The following AAK1 variants were observed in gnomAD, a reference collection of about 807,000 sequenced individuals.
AAK1 encodes the protein AP2 associated kinase 1.
A neutral mutation model predicts 116.0 loss-of-function variants in AAK1; 37 were observed. The ratio of observed to expected loss-of-function variants is 0.32; its 90% CI spans 0.25 to 0.42. The LOEUF is 0.42. Ranked by LOEUF, AAK1 falls within the 10% of genes least tolerant of loss-of-function variation. The pLI is 1.00. For missense variants in AAK1, 919 were observed against 1,170.6 expected, an observed-to-expected ratio of 0.79 and a Z score of 3.14; for synonymous variants, 458 against 439.9, an observed-to-expected ratio of 1.04 and a Z score of -0.51.
chr2:69,600,047 GC>G (rs1673497911), intron 2 of AAK1, among the ~76,000 whole-genome samples: 2 of 151,144 alleles, frequency 1.3e-5, no homozygotes, highest in Non-Finnish European at 2.9e-5. Flanking sequence ...CTCCCAAAGT[GC>G]TAGAATTACA....
chr2:69,524,732 C>T (rs1244449427), intron 10 of AAK1, among the ~76,000 whole-genome samples: 4 of 152,172 alleles, frequency 2.6e-5, no homozygotes, highest in African/African-American at 7.2e-5. Context: ...CACGCCTGGC[C>T]GTACTAGCAA....
At chr2:69,558,281 T>C (rs142720647) in intron 2 of AAK1, among the ~76,000 whole-genome samples, 1,640 of 151,422 alleles carry the variant, frequency 0.011, 35 homozygotes, top group African/African-American at 0.038. Flanking sequence ...GAGGTGGAGG[T>C]TGCAGTGAGC....
chr2:69,557,690 G>A (rs958144855), intron 2 of AAK1, among the ~76,000 whole-genome samples: 1 of 152,162 alleles, frequency 6.6e-6, no homozygotes, highest in Non-Finnish European at 1.5e-5. Flanking sequence ...GAAGAATACA[G>A]AGGCTCAAAG....
intron 16 of AAK1, among the ~76,000 whole-genome samples, chr2:69,501,990 A>G (rs1414707551): frequency 1.3e-5 from 2 of 152,126 alleles, no homozygotes; most frequent in Non-Finnish European, 2.9e-5. Flanking sequence ...AACAAACAGG[A>G]AAATGTAATA....
At position 69,514,558 on chromosome 2, in the gene AAK1, C is replaced by T. The variant is rs1287534445; in HGVS notation, c.1689G>A (p.Leu563=). 2 of 1,557,876 alleles carry T rather than the reference C, an allele frequency of 1.3e-6. No individual in the cohort carries two copies. Among genetic ancestry groups the T allele is most frequent in the African/African-American group, 2.7e-5 (2 of 73,418 alleles). ...QQQLMTQQAA[L]QQKPTMAAGQ... is the part of the protein sequence containing the mutation. ...CTGCTGCCATAGTGGGCTTTTGCTG[C>T]AAGGCAGCCTGCTGAGTCATCAGCT... is the stretch of plus-strand genomic sequence containing the variant. The change falls in exon 13 of 22, where the codon TTG becomes TTA. Residue 563 remains leucine (L), a synonymous_variant. Coordinates refer to ENST00000409085, the MANE Select transcript of AAK1 (RefSeq NM_014911.5).
chr2:69,474,962 C>A lies in AAK1; in HGVS notation c.*907G>T, dbSNP rs142704413. ...TGTTTCTGCTACAATTCCTTCCCCT[C>A]CCCATCCTCCCCCCACCCCCGCCCC... is the stretch of plus-strand genomic sequence containing the variant. On this transcript the variant is annotated 3_prime_UTR_variant, in exon 22 of 22. Coordinates refer to ENST00000409085, the MANE Select transcript of AAK1 (RefSeq NM_014911.5). 0.013 allele frequency: 6,414 copies of A among 499,762 alleles called. 374 individuals carry two copies. In the African/African-American group the frequency reaches 0.13, roughly 10 times the overall value. 31.0% of individuals were successfully genotyped at this position (499,762 alleles called of 1,614,324 possible). A position where few individuals can be genotyped will look rare whatever the true frequency, so the allele number is the denominator to read the frequency against.
At chr2:69,490,153 G>A (rs373809253) in intron 17 of AAK1, among the ~76,000 whole-genome samples, 25 of 152,314 alleles carry the variant, frequency 1.6e-4, no homozygotes, top group South Asian at 6.2e-4. Flanking sequence ...GTGGAACGCC[G>A]AGATCAGTAC....
rs563181319 is a variant in AAK1, at chr2:69,533,863, A to G, written c.535-1701T>C. On this transcript the variant is annotated intron_variant, in intron 5 of 21. Transcript: ENST00000409085. ...ATTCTTAAGCATAGGGTTATGAAAGATTAGGAGAGATTCATTCCTTTGAGA... is the reference window on the plus strand; with the variant it reads ...ATTCTTAAGCATAGGGTTATGAAAGGTTAGGAGAGATTCATTCCTTTGAGA... Among the ~76,000 whole-genome samples the G allele has an allele frequency of 2.0e-5, 3 of 152,336 alleles. No individual in the cohort carries two copies. In the South Asian group the frequency reaches 6.2e-4, roughly 32 times the overall value.
intron 15 of AAK1, among the ~76,000 whole-genome samples, chr2:69,506,026 A>G (rs538031460): frequency 6.6e-6 from 1 of 152,264 alleles, no homozygotes; most frequent in African/African-American, 2.4e-5. Context: ...TACAGCTCTA[A>G]TGAGTTTGAT....
At position 69,496,036 on chromosome 2, in the gene AAK1, G is replaced by T. The variant is rs1243567545; in HGVS notation, c.2314C>A (p.Leu772Ile). Residue 772 changes from leucine (L) to isoleucine (I), a missense_variant, in exon 17 of 22, where the codon CTT (leucine) becomes ATT (isoleucine). Transcript: ENST00000409085. ...ATGAAAGGATCAGACACGCTTAGAA[G>T]CGGGAGGCCAGAGTCCACAGTCTGC... is the stretch of plus-strand genomic sequence containing the variant. ...GGQTVDSGLP[L>I]LSVSDPFIPL... 6.4e-7 allele frequency: 1 copy of T among 1,555,358 alleles called. No homozygotes were observed. The highest frequency in any genetic ancestry group is 8.7e-7 in the Non-Finnish European group (1 of 1,149,098).
intron 9 of AAK1, among the ~76,000 whole-genome samples, chr2:69,526,416 TA>T (rs1291981518): frequency 1.3e-5 from 2 of 152,292 alleles, no homozygotes; most frequent in East Asian, 3.9e-4. Context: ...AATCTATTAT[TA>T]TAGCATCCAT....
intron 17 of AAK1, 40 bp downstream of exon 17, chr2:69,495,945 A>T: frequency 6.6e-7 from 1 of 1,514,332 alleles, no homozygotes; most frequent in Non-Finnish European, 8.9e-7. Flanking sequence ...GGGACATGCA[A>T]ATCAAGCTGC....
intron 2 of AAK1, among the ~76,000 whole-genome samples, chr2:69,589,973 T>TA (rs982395781): frequency 5.5e-4 from 83 of 149,970 alleles, no homozygotes; most frequent in African/African-American, 1.4e-3. Context: ...TGGTTCTGAT[T>TA]AAAAAAAAAA....
In AAK1 at chr2:69,462,241, A is replaced by C; in HGVS notation, c.*13628T>G. Reference sequence around the variant, plus strand: ...TGTGGGGTGGGGGGAGGGGGGCGGGATAGCATTAGGAGATATACCTAATGC... The same window carrying C: ...TGTGGGGTGGGGGGAGGGGGGCGGGCTAGCATTAGGAGATATACCTAATGC... On this transcript the variant is annotated 3_prime_UTR_variant, in exon 22 of 22. Coordinates refer to ENST00000409085, the MANE Select transcript of AAK1 (RefSeq NM_014911.5). The C allele has an allele frequency of 1.6e-5, 2 of 125,508 alleles. No homozygotes were observed. The highest frequency in any genetic ancestry group is 3.3e-5 in the Non-Finnish European group (2 of 59,760). The allele number at this position is 125,508 out of a possible 1,614,324, so 7.8% of individuals were successfully genotyped here.
In AAK1 at chr2:69,461,043, G is replaced by A. The variant is rs1674328176; in HGVS notation, c.*14826C>T. ...TAGAGTTGTTTGTTGATTATATACA[G>A]TCATGTGCTGCATAAAAACGATTCC... is the stretch of plus-strand genomic sequence containing the variant. On this transcript the variant is annotated 3_prime_UTR_variant, in exon 22 of 22. Transcript: ENST00000409085. 1.3e-5 allele frequency: 2 copies of A among 152,330 alleles called. No individual in the cohort carries two copies. The highest frequency in any genetic ancestry group is 4.1e-4 in the South Asian group (2 of 4,830). The allele number at this position is 152,330 out of a possible 1,614,324, so 9.4% of individuals were successfully genotyped here. A position where few individuals can be genotyped will look rare whatever the true frequency, so the allele number is the denominator to read the frequency against.
intron 16 of AAK1, among the ~76,000 whole-genome samples, chr2:69,502,956 T>C (rs1676035473): frequency 1.3e-5 from 2 of 152,224 alleles, no homozygotes; most frequent in African/African-American, 4.8e-5. Context: ...GTTGCCATTC[T>C]TCCATGAACA....
intron 3 of AAK1, among the ~76,000 whole-genome samples, chr2:69,554,158 A>G (rs752650049): frequency 1.3e-5 from 2 of 152,174 alleles, no homozygotes; most frequent in African/African-American, 4.8e-5. Flanking sequence ...GTTCTAACAA[A>G]AAAGAGAGGC....
At chr2:69,479,165 G>A (rs1199160728) in intron 19 of AAK1, 104 bp from the exon 20 acceptor site, 15 of 809,024 alleles carry the variant, frequency 1.9e-5, no homozygotes, top group Admixed American at 2.5e-5. Context: ...GCATTTACAC[G>A]TTACACATAA....
intron 2 of AAK1, among the ~76,000 whole-genome samples, chr2:69,565,505 G>A (rs1242460865): frequency 6.6e-6 from 1 of 152,208 alleles, no homozygotes; most frequent in Admixed American, 6.5e-5. Flanking sequence ...ATCCTCCTTA[G>A]TACTGCCACC....
Sources: gnomAD v4.1 joint callset for allele counts (sites outside exome capture counted in the v4.1 genomes callset) on GRCh38, gnomAD v4.1.1 for gene constraint, MANE v1.5 for transcripts, NCBI Gene and HGNC (gene_info 2026-07-23, HGNC 2026-07-21) for gene names.